MED24: variants seen among roughly 807,000 people sequenced by gnomAD.
MED24 encodes the protein mediator complex subunit 24, also known as mediator of RNA polymerase II transcription subunit 24.
Under a neutral mutation model 118.8 loss-of-function variants are expected in MED24, and 74 were observed. The ratio of observed to expected loss-of-function variants is 0.62; its 90% CI spans 0.52 to 0.76. The LOEUF is 0.76. Ranked by LOEUF, MED24 falls within the 30% of genes least tolerant of loss-of-function variation. MED24 has a pLI of 0.00. For missense variants in MED24, 1,041 were observed against 1,278.9 expected (o/e 0.81, Z 2.84); for synonymous variants, 521 against 523.9 (o/e 0.99, Z 0.08).
intron 21 of MED24, 26 bp from the exon 22 acceptor site, chr17:40,022,510 G>A: frequency 6.3e-7 from 1 of 1,599,084 alleles, no homozygotes; most frequent in Non-Finnish European, 8.5e-7. Context: ...AGAAAAAGGG[G>A]GACAGTGAGA....
In MED24 at chr17:40,022,718, T is replaced by C. The variant is rs1207507630; in HGVS notation, c.2359A>G (p.Ile787Val). Reference protein sequence around the residue: ...QQVTLVLLGHILPGLLTDSSK... With the variant: ...QQVTLVLLGHVLPGLLTDSSK... ...GAGTCAGTGAGCAGGCCAGGTAGGATGTGGCCCAGCAGGACCAGGGTCACT... is the reference window on the plus strand; with the variant it reads ...GAGTCAGTGAGCAGGCCAGGTAGGACGTGGCCCAGCAGGACCAGGGTCACT... Residue 787 changes from isoleucine (I) to valine (V), a missense_variant, in exon 21 of 26, where the codon ATC (isoleucine) becomes GTC (valine). Around this residue, in one of 3 missense-constraint regions of MED24, gnomAD observed 587 missense variants for 694.4 expected, o/e 0.85. Coordinates refer to ENST00000394128, the MANE Select transcript of MED24 (RefSeq NM_014815.4). 3 of 1,613,814 alleles carry C rather than the reference T, an allele frequency of 1.9e-6. No individual in the cohort carries two copies. The South Asian group carries it at 3.3e-5, about 18-fold the overall frequency.
At chr17:40,023,425 C>A in intron 19 of MED24, 30 bp from the exon 20 acceptor site, 1 of 1,556,612 alleles carries the variant, frequency 6.4e-7, no homozygotes. Flanking sequence ...ACCTGAGGCT[C>A]AGGTGCCACT....
rs575292082 is a variant in MED24, at chr17:40,035,817, T to A, written c.253-22A>T. On this transcript the variant is annotated intron_variant, in intron 4 of 25. Transcript: ENST00000394128. ...CAAACTGTGGAAAGGACAGTGGAGA[T>A]GCTACGGAATGCCTCCATCCACCCC... The A allele has an allele frequency of 6.2e-6, 10 of 1,604,700 alleles. No homozygotes were observed. In the African/African-American group the frequency reaches 1.1e-4, roughly 17 times the overall value.
chr17:40,037,835 C>T (rs1444074141), intron 3 of MED24, among the ~76,000 whole-genome samples: 6 of 150,976 alleles, frequency 4.0e-5, no homozygotes, highest in Non-Finnish European at 8.8e-5. Context: ...GGCGTGAACC[C>T]GGGAGGCAGA....
intron 19 of MED24, among the ~76,000 whole-genome samples, chr17:40,024,788 T>G (rs567729503): frequency 1.4e-3 from 215 of 152,242 alleles, no homozygotes; most frequent in African/African-American, 4.8e-3. Context: ...CAGGCTGGAG[T>G]GCAGTGGCGT....
chr17:40,019,987 G>A (rs1341293576), intron 24 of MED24, 54 bp from the exon 25 acceptor site: 2 of 1,530,902 alleles, frequency 1.3e-6, no homozygotes, highest in African/African-American at 2.8e-5. Flanking sequence ...AGTGGGTGAG[G>A]TCACACTCTG....
intron 16 of MED24, 23 bp downstream of exon 16, chr17:40,027,359 GT>G (rs759540625): frequency 6.2e-6 from 10 of 1,606,208 alleles, no homozygotes; most frequent in African/African-American, 1.3e-5. Context: ...TTGAGCCCCC[GT>G]CCCGGTCGCT....
chr17:40,026,270 A>G lies in MED24; in HGVS notation c.1871T>C (p.Leu624Pro). Reference protein sequence around the residue: ...CSLAVCAVAWLVAHVRMLGLD... With the variant: ...CSLAVCAVAWPVAHVRMLGLD... Reference sequence around the variant, plus strand: ...CCCCAGCATCCGGACGTGGGCCACAAGCCAAGCCACAGCACACACCGCCAG... The same window carrying G: ...CCCCAGCATCCGGACGTGGGCCACAGGCCAAGCCACAGCACACACCGCCAG... The change falls in exon 19 of 26, where the codon CTT becomes CCT. Residue 624 changes from leucine (L) to proline (P), a missense_variant. Physicochemically the swap from Leu to Pro is moderately conservative, Grantham distance 98. This residue lies in a region of MED24 where 587 missense variants were observed against 694.4 expected (regional missense o/e 0.85). Transcript: ENST00000394128. 6.2e-7 allele frequency: 1 copy of G among 1,614,200 alleles called. No individual in the cohort carries two copies. The highest frequency in any genetic ancestry group is 1.3e-5 in the African/African-American group (1 of 75,060).
At chr17:40,023,854 G>A (rs544299942) in intron 19 of MED24, among the ~76,000 whole-genome samples, 4 of 152,264 alleles carry the variant, frequency 2.6e-5, no homozygotes, top group East Asian at 1.9e-4. Flanking sequence ...GACTCTTCCC[G>A]GCCCCTGGTA....
Position 40,035,271 on chromosome 17 carries a change from C to T in MED24, c.405G>A (p.Thr135=), listed in dbSNP as rs756001007. ...LSALHWLLRC[T]AASAERLREG... is the part of the protein sequence containing the mutation. ...CCCGCAGCCGCTCTGCAGAGGCTGC[C>T]GTGCAGCGCAGCAGCCAGTGGAGGG... The change falls in exon 6 of 26, where the codon ACG becomes ACA. Residue 135 remains threonine, a synonymous_variant. Coordinates refer to ENST00000394128, the MANE Select transcript of MED24 (RefSeq NM_014815.4). 1.4e-5 allele frequency: 22 copies of T among 1,613,402 alleles called. No individual in the cohort carries two copies. Among genetic ancestry groups the T allele is most frequent in the Middle Eastern group, 3.3e-4 (2 of 6,076 alleles).
At position 40,019,868 on chromosome 17, in the gene MED24, C is replaced by T. The variant is rs34156165; in HGVS notation, c.2770G>A (p.Val924Met). Reference protein sequence around the residue: ...SRTAGPHTQFVQWFMEECVDC... With the variant: ...SRTAGPHTQFMQWFMEECVDC... ...ACACACTCCTCCATGAACCACTGCA[C>T]GAACTGGGTGTGGGGGCCAGCGGTG... is the stretch of plus-strand genomic sequence containing the variant. Residue 924 changes from valine (V) to methionine (M), a missense_variant, in exon 25 of 26, where the codon GTG becomes ATG. Around this residue, in one of 3 missense-constraint regions of MED24, gnomAD observed 587 missense variants for 694.4 expected, o/e 0.85. Transcript: ENST00000394128. 12 of 1,589,672 alleles carry T rather than the reference C, an allele frequency of 7.5e-6. No homozygotes were observed. Among genetic ancestry groups the T allele is most frequent in the African/African-American group, 4.0e-5 (3 of 74,524 alleles).
intron 3 of MED24, among the ~76,000 whole-genome samples, chr17:40,049,109 GGAA>G (rs1985547702): frequency 6.6e-6 from 1 of 152,012 alleles, no homozygotes; most frequent in African/African-American, 2.4e-5. Context: ...AGGAGGACAA[GGAA>G]GAAGGATTAC....
At chr17:40,040,895 G>T (rs1212523604) in intron 3 of MED24, among the ~76,000 whole-genome samples, 1 of 152,166 alleles carries the variant, frequency 6.6e-6, no homozygotes, top group African/African-American at 2.4e-5. Context: ...TTACAGGTGT[G>T]AGCCACTGAA....
chr17:40,053,677 G>A (rs975221317), intron 1 of MED24, 42 bp from the exon 2 acceptor site: 2 of 1,609,438 alleles, frequency 1.2e-6, no homozygotes, highest in Non-Finnish European at 1.7e-6. Flanking sequence ...AGGACATGAG[G>A]TTCTAAGGAG....
intron 16 of MED24, 128 bp from the exon 17 acceptor site, chr17:40,027,162 G>T: frequency 7.9e-7 from 1 of 1,267,170 alleles, no homozygotes; most frequent in Non-Finnish European, 1.1e-6. Context: ...GGGACGAACT[G>T]GTCTAAGGGA....
intron 9 of MED24, 148 bp from the exon 10 acceptor site, chr17:40,032,238 A>T (rs1022673836): frequency 8.6e-6 from 8 of 935,280 alleles, no homozygotes; most frequent in Middle Eastern, 2.8e-4. Context: ...GTGCTAAATG[A>T]GAAAGCCAAT....
In MED24 at chr17:40,033,542, C is replaced by G; in HGVS notation, c.560-86G>C. 3 of 1,066,488 alleles carry G rather than the reference C, an allele frequency of 2.8e-6. No homozygotes were observed. The highest frequency in any genetic ancestry group is 1.3e-5 in the South Asian group (1 of 74,216). The allele number at this position is 1,066,488 out of a possible 1,614,324, so 66.1% of individuals were successfully genotyped here. Reference sequence around the variant, plus strand: ...CCTGAACTCCTCGATTTTGGCACTCCCTCCGGCACACGAAACCACACAGGA... The same window carrying G: ...CCTGAACTCCTCGATTTTGGCACTCGCTCCGGCACACGAAACCACACAGGA... On this transcript the variant is annotated intron_variant, in intron 6 of 25. Transcript: ENST00000394128. The surrounding 1 kb of genome is among the most constrained non-coding windows in gnomAD (Gnocchi z 5.2).
chr17:40,030,305 T>C (rs1399425446), intron 12 of MED24, among the ~76,000 whole-genome samples: 2 of 151,780 alleles, frequency 1.3e-5, no homozygotes, highest in Non-Finnish European at 2.9e-5. Context: ...ATTAGTCTTT[T>C]TTTTTTTTGA....
Position 40,033,500 on chromosome 17 carries a change from GAGA to G in MED24, c.560-47_560-45del, listed in dbSNP as rs1983616990. 4 of 1,496,856 alleles carry G rather than the reference GAGA, an allele frequency of 2.7e-6. No homozygotes were observed. The African/African-American group carries it at 4.2e-5, about 16-fold the overall frequency. 92.7% of individuals were successfully genotyped at this position (1,496,856 alleles called of 1,614,324 possible). On this transcript the variant is annotated intron_variant, in intron 6 of 25. Transcript: ENST00000394128. The surrounding 1 kb of genome is among the most constrained non-coding windows in gnomAD (Gnocchi z 5.2). ...TACAGAAACATGATGGGAAACAGGA[GAGA>G]AGGAGCACCTGGCCCTGAACTCCTC...
Sources: allele counts gnomAD v4.1 joint callset (sites outside exome capture counted in the v4.1 genomes callset), GRCh38; gene constraint gnomAD v4.1.1; regional missense constraint gnomAD v4.1.1; non-coding constraint Gnocchi (gnomAD v3.1); transcripts MANE v1.5; gene names NCBI Gene and HGNC (gene_info 2026-07-23, HGNC 2026-07-21).